The following ANGPT1 variants were observed in gnomAD, a reference collection of about 807,000 sequenced individuals.
ANGPT1 encodes the protein angiopoietin 1.
In ANGPT1, 17 loss-of-function variants were observed where a neutral mutation model predicts 62.2. The observed-to-expected ratio is 0.27, with a 90% CI of 0.19 to 0.41. The LOEUF is 0.41. ANGPT1 is among the 10% of genes least tolerant of loss of function. ANGPT1 has a pLI of 1.00. For missense variants in ANGPT1, 478 were observed against 594.9 expected, an observed-to-expected ratio of 0.80 and a Z score of 2.04; for synonymous variants, 199 against 198.9, an observed-to-expected ratio of 1.00 and a Z score of 0.00.
intron 1 of ANGPT1, among the ~76,000 whole-genome samples, chr8:107,495,570 C>T (rs932826024): frequency 4.6e-5 from 7 of 152,110 alleles, no homozygotes; most frequent in Admixed American, 3.3e-4. Flanking sequence ...CAAAACATTA[C>T]GTTTTTGGTA....
At chr8:107,488,492 A>C (rs1812873134) in intron 1 of ANGPT1, among the ~76,000 whole-genome samples, 1 of 152,202 alleles carries the variant, frequency 6.6e-6, no homozygotes, top group African/African-American at 2.4e-5. Context: ...TCTGCGGAAT[A>C]ATTCATTTGA....
At chr8:107,430,302 G>C (rs896246904) in intron 1 of ANGPT1, among the ~76,000 whole-genome samples, 10 of 152,148 alleles carry the variant, frequency 6.6e-5, no homozygotes, top group Admixed American at 4.6e-4. Context: ...AAATATGAGA[G>C]AATGTTTGCG....
At chr8:107,280,855 T>C (rs1813987651) in intron 7 of ANGPT1, among the ~76,000 whole-genome samples, 2 of 152,058 alleles carry the variant, frequency 1.3e-5, no homozygotes, top group South Asian at 4.2e-4. Flanking sequence ...AACAACAGCA[T>C]GGAAGATATA....
intron 4 of ANGPT1, among the ~76,000 whole-genome samples, chr8:107,314,614 T>C (rs945714823): frequency 2.0e-5 from 3 of 152,168 alleles, no homozygotes; most frequent in Admixed American, 6.5e-5. Context: ...CTAGATAGTG[T>C]GGTTCATTTT....
In ANGPT1 at chr8:107,497,446, T is replaced by C. The variant is rs1422045801; in HGVS notation, c.113A>G (p.His38Arg). Residue 38 changes from histidine (H) to arginine (R), a missense_variant, in exon 1 of 9, where the codon CAT (histidine) becomes CGT (arginine). Physicochemically the swap from His to Arg is conservative, Grantham distance 29. This residue lies in a region of ANGPT1 where 343 missense variants were observed against 355.4 expected (regional missense o/e 0.97). Transcript: ENST00000517746. ...AATGAAAGTGTAGGCACATTGCCCA[T>C]GTTGAATCCGGTTATATCTTCTCCC... is the stretch of plus-strand genomic sequence containing the variant. ...NSGRRYNRIQ[H>R]GQCAYTFILP... 1 of 1,614,178 alleles carries C rather than the reference T, an allele frequency of 6.2e-7. No homozygotes were observed. Among genetic ancestry groups the C allele is most frequent in the East Asian group, 2.2e-5 (1 of 44,864 alleles).
At chr8:107,283,203 T>G (rs989637437) in intron 7 of ANGPT1, among the ~76,000 whole-genome samples, 6 of 152,212 alleles carry the variant, frequency 3.9e-5, no homozygotes, top group African/African-American at 1.4e-4. Flanking sequence ...AGAGTATCCC[T>G]GATGTTTAAC....
chr8:107,285,519 G>C (rs1342327743), intron 6 of ANGPT1, among the ~76,000 whole-genome samples: 1 of 152,050 alleles, frequency 6.6e-6, no homozygotes, highest in African/African-American at 2.4e-5. Flanking sequence ...TTGGAATTTT[G>C]AGGCAGAAGG....
chr8:107,292,385 T>A (rs1305429487), intron 6 of ANGPT1, among the ~76,000 whole-genome samples: 1 of 152,144 alleles, frequency 6.6e-6, no homozygotes, highest in Non-Finnish European at 1.5e-5. Context: ...TGTGACCCCC[T>A]AAACTACTAG....
intron 4 of ANGPT1, among the ~76,000 whole-genome samples, chr8:107,312,804 C>G (rs529874869): frequency 1.3e-5 from 2 of 152,230 alleles, no homozygotes; most frequent in South Asian, 4.2e-4. Flanking sequence ...AGCAATCTGA[C>G]AGCAGAGCTG....
At chr8:107,463,825 G>A (rs1812131554) in intron 1 of ANGPT1, among the ~76,000 whole-genome samples, 2 of 152,018 alleles carry the variant, frequency 1.3e-5, no homozygotes, top group Non-Finnish European at 2.9e-5. Flanking sequence ...ATTTCTCTAG[G>A]TAACTTTCGT....
chr8:107,273,945 C>A (rs1450906567), intron 7 of ANGPT1, among the ~76,000 whole-genome samples: 1 of 148,722 alleles, frequency 6.7e-6, no homozygotes, highest in Non-Finnish European at 1.5e-5. Flanking sequence ...AAAAAAAGAT[C>A]TATGGTTCCT....
At chr8:107,476,185 C>A (rs1220020157) in intron 1 of ANGPT1, among the ~76,000 whole-genome samples, 1 of 152,104 alleles carries the variant, frequency 6.6e-6, no homozygotes, top group East Asian at 1.9e-4. Flanking sequence ...AGAACCAACC[C>A]AAATGCCCAT....
intron 1 of ANGPT1, among the ~76,000 whole-genome samples, chr8:107,405,210 T>G (rs776735889): frequency 3.9e-5 from 6 of 152,010 alleles, no homozygotes; most frequent in Non-Finnish European, 8.8e-5. Flanking sequence ...ATGCATATAA[T>G]GTGGATTTTT....
intron 1 of ANGPT1, among the ~76,000 whole-genome samples, chr8:107,463,877 C>T (rs1385302242): frequency 1.3e-5 from 2 of 152,032 alleles, no homozygotes; most frequent in Non-Finnish European, 2.9e-5. Flanking sequence ...AACTCCAGAT[C>T]TCAAATTAAA....
chr8:107,349,988 G>A (rs1007380337), intron 1 of ANGPT1, among the ~76,000 whole-genome samples: 3 of 152,100 alleles, frequency 2.0e-5, no homozygotes, highest in African/African-American at 7.2e-5. Context: ...CTGCCTGTAT[G>A]AGACCTGCTT....
intron 4 of ANGPT1, among the ~76,000 whole-genome samples, chr8:107,319,182 C>T (rs1215669987): frequency 2.0e-5 from 3 of 152,176 alleles, no homozygotes; most frequent in Non-Finnish European, 4.4e-5. Context: ...GTAATTCTTT[C>T]CCTATTGTGG....
chr8:107,254,262 T>G (rs1298932431), intron 8 of ANGPT1, among the ~76,000 whole-genome samples: 1 of 152,034 alleles, frequency 6.6e-6, no homozygotes, highest in African/African-American at 2.4e-5. Context: ...TTGTATTCAT[T>G]TTTTTCTTTA....
chr8:107,447,049 A>G (rs1214896760), intron 1 of ANGPT1, among the ~76,000 whole-genome samples: 1 of 152,152 alleles, frequency 6.6e-6, no homozygotes, highest in Non-Finnish European at 1.5e-5. Flanking sequence ...CCAACGCCTC[A>G]AGAAATCCTG....
chr8:107,497,123 A>C, intron 1 of ANGPT1, 139 bp downstream of exon 1: 2 of 1,006,844 alleles, frequency 2.0e-6, no homozygotes, highest in Non-Finnish European at 2.9e-6. Context: ...AAACCCAGAC[A>C]GCCGTCTTGC....
Sources: allele counts gnomAD v4.1 joint callset (sites outside exome capture counted in the v4.1 genomes callset), GRCh38; gene constraint gnomAD v4.1.1; regional missense constraint gnomAD v4.1.1; transcripts MANE v1.5; gene names NCBI Gene and HGNC (gene_info 2026-07-23, HGNC 2026-07-21).